The following ZNF449 variants were observed in gnomAD, a reference collection of about 807,000 sequenced individuals.
The protein encoded by ZNF449 is zinc finger and SCAN domain-containing protein 19.
ZNF449 carries 4 observed loss-of-function variants against 32.6 expected under a neutral mutation model. The ratio of observed to expected loss-of-function variants is 0.12; its 90% CI spans 0.06 to 0.28. The LOEUF (loss-of-function observed/expected upper bound fraction) is 0.28, where lower values mean the gene tolerates loss of function less well. Ranked by LOEUF, ZNF449 falls within the 10% of genes least tolerant of loss-of-function variation. The pLI, the probability that ZNF449 is intolerant of heterozygous loss-of-function variation, is 1.00. For missense variants in ZNF449, 275 were observed against 383.2 expected (o/e 0.72, Z 2.36); for synonymous variants, 123 against 132.2 (o/e 0.93, Z 0.48).
Position 135,360,965 on chromosome X carries a change from A to G in ZNF449, c.1446A>G (p.Leu482=), listed in dbSNP as rs2084943690. The G allele has an allele frequency of 3.3e-6, 4 of 1,209,703 alleles. No individual in the cohort carries two copies. Among genetic ancestry groups the G allele is most frequent in the Non-Finnish European group, 4.5e-6 (4 of 894,970 alleles). The change falls in exon 5 of 5, where the codon TTA becomes TTG. Residue 482 remains leucine, a synonymous_variant. Transcript: ENST00000339249. ...FRQRPSLVIH[L]RIHTGEKPYK... ...AGAGACCAAGCCTCGTTATTCATTT[A>G]AGAATCCACACAGGGGAGAAGCCAT...
At chrX:135,349,615 A>G (rs2084872451) in intron 3 of ZNF449, among the ~76,000 whole-genome samples, 1 of 111,935 alleles carries the variant, frequency 8.9e-6, no homozygotes, top group African/African-American at 3.3e-5. Flanking sequence ...ATTTTAATCA[A>G]CAGGAACTGT....
chrX:135,347,200 G>A lies in ZNF449; in HGVS notation c.82G>A (p.Val28Ile), dbSNP rs782230558. 4 of 1,212,340 alleles carry A rather than the reference G, an allele frequency of 3.3e-6. No individual in the cohort carries two copies. The South Asian group carries it at 7.0e-5, about 21-fold the overall frequency. ...VFQEYDTDCE[V>I]FRQRFRQFQY... is the part of the protein sequence containing the mutation. ...TCAAGAATATGATACTGACTGTGAA[G>A]TTTTCCGTCAGCGCTTCAGGCAGTT... The change falls in exon 2 of 5, where the codon GTT (valine) becomes ATT (isoleucine). Residue 28 changes from valine (V) to isoleucine (I), a missense_variant. This residue lies in a region of ZNF449 where 30 missense variants were observed against 61.6 expected (regional missense o/e 0.49). Transcript: ENST00000339249.
At position 135,357,073 on chromosome X, in the gene ZNF449, G is replaced by A. The variant is rs148943114; in HGVS notation, c.560-2819G>A. 9.0e-5 allele frequency among the ~76,000 whole-genome samples: 10 copies of A among 111,573 alleles called. No individual in the cohort carries two copies. In the East Asian group the frequency reaches 1.7e-3, roughly 19 times the overall value. ...ATATGATTTGCCGGTATTTTCTCCC[G>A]TTCTGTAGGCCATCTTTTCACTTTC... On this transcript the variant is annotated intron_variant, in intron 3 of 4. Coordinates refer to ENST00000339249, the MANE Select transcript of ZNF449 (RefSeq NM_152695.6).
chrX:135,345,547 C>T (rs1198902044), intron 1 of ZNF449, among the ~76,000 whole-genome samples: 2 of 112,265 alleles, frequency 1.8e-5, no homozygotes, highest in African/African-American at 3.2e-5. Context: ...TTCCTCTGTG[C>T]CGGGCATGCT....
intron 3 of ZNF449, among the ~76,000 whole-genome samples, chrX:135,355,199 T>A (rs969740980): frequency 1.8e-5 from 2 of 109,707 alleles, no homozygotes; most frequent in East Asian, 2.9e-4. Flanking sequence ...ATTTTTTTTT[T>A]AATTTTTGTG....
In ZNF449 at chrX:135,347,383, T is replaced by C; in HGVS notation, c.265T>C (p.Trp89Arg). Reference protein sequence around the residue: ...LTILPTEIETWVREHCPENRE... With the variant: ...LTILPTEIETRVREHCPENRE... ...TATCCTGCCCACAGAGATAGAGACC[T>C]GGGTGAGGGAGCACTGCCCAGAGAA... Residue 89 changes from tryptophan to arginine, a missense_variant, in exon 2 of 5, where the codon TGG becomes CGG. By Grantham distance (101) the Trp-to-Arg change is moderately radical. This residue lies in a region of ZNF449 where 165 missense variants were observed against 175.0 expected (regional missense o/e 0.94). Coordinates refer to ENST00000339249, the MANE Select transcript of ZNF449 (RefSeq NM_152695.6). 1 of 1,211,481 alleles carries C rather than the reference T, an allele frequency of 8.3e-7. No individual in the cohort carries two copies. Among genetic ancestry groups the C allele is most frequent in the Non-Finnish European group, 1.1e-6 (1 of 895,337 alleles).
chrX:135,350,539 A>G (rs2084879895), intron 3 of ZNF449, among the ~76,000 whole-genome samples: 1 of 112,183 alleles, frequency 8.9e-6, no homozygotes, highest in African/African-American at 3.2e-5. Context: ...ATTAGGAACC[A>G]TGCCCCTTTC....
intron 3 of ZNF449, among the ~76,000 whole-genome samples, chrX:135,357,967 T>C (rs2084926557): frequency 8.9e-6 from 1 of 111,945 alleles, no homozygotes; most frequent in South Asian, 3.6e-4. Flanking sequence ...TTACATTTAA[T>C]TTCATTTGTG....
intron 3 of ZNF449, among the ~76,000 whole-genome samples, chrX:135,358,463 A>G (rs887772618): frequency 9.0e-6 from 1 of 111,525 alleles, no homozygotes; most frequent in Admixed American, 9.5e-5. Flanking sequence ...TGAATTACCA[A>G]CTGGAGTCAT....
At chrX:135,358,753 A>C (rs1556452636) in intron 3 of ZNF449, among the ~76,000 whole-genome samples, 1 of 111,554 alleles carries the variant, frequency 9.0e-6, no homozygotes, top group African/African-American at 3.2e-5. Context: ...CTCCTATTCC[A>C]AGTTTCAATT....
Position 135,360,243 on chromosome X carries a change from A to C in ZNF449, c.724A>C (p.Met242Leu). The change falls in exon 5 of 5, where the codon ATG (methionine) becomes CTG (leucine). Residue 242 changes from methionine to leucine, a missense_variant. Physicochemically the swap from Met to Leu is conservative, Grantham distance 15. Around this residue, in one of 3 missense-constraint regions of ZNF449, gnomAD observed 165 missense variants for 175.0 expected, o/e 0.94. Transcript: ENST00000339249. Reference protein sequence around the residue: ...NEEDTSKQKKMETMYPFIVTL... With the variant: ...NEEDTSKQKKLETMYPFIVTL... Reference sequence around the variant, plus strand: ...AGAAGATACTTCAAAACAGAAAAAAATGGAGACTATGTATCCATTTATTGT... The same window carrying C: ...AGAAGATACTTCAAAACAGAAAAAACTGGAGACTATGTATCCATTTATTGT... 1 of 1,193,136 alleles carries C rather than the reference A, an allele frequency of 8.4e-7. No homozygotes were observed. The highest frequency in any genetic ancestry group is 2.5e-5 in the Admixed American group (1 of 40,746).
chrX:135,350,872 A>C (rs1353599644), intron 3 of ZNF449, among the ~76,000 whole-genome samples: 1 of 111,664 alleles, frequency 9.0e-6, no homozygotes. Context: ...AGGATGGATC[A>C]AAGTGAGCCT....
At chrX:135,354,084 T>C (rs1556451113) in intron 3 of ZNF449, among the ~76,000 whole-genome samples, 1 of 112,229 alleles carries the variant, frequency 8.9e-6, no homozygotes, top group Non-Finnish European at 1.9e-5. Context: ...ATGCGGGTAT[T>C]GATATGATAA....
intron 3 of ZNF449, among the ~76,000 whole-genome samples, chrX:135,356,291 A>G (rs1244903352): frequency 8.9e-6 from 1 of 111,734 alleles, no homozygotes; most frequent in African/African-American, 3.3e-5. Flanking sequence ...CCAGCAGTGT[A>G]CAAGCACTCT....
intron 3 of ZNF449, among the ~76,000 whole-genome samples, chrX:135,358,019 T>C (rs1285445188): frequency 1.8e-5 from 2 of 111,978 alleles, no homozygotes; most frequent in Non-Finnish European, 3.8e-5. Flanking sequence ...TTCTGTTTTC[T>C]ATATGCCTCA....
At chrX:135,346,753 G>A (rs1257146146) in intron 1 of ZNF449, among the ~76,000 whole-genome samples, 1 of 109,608 alleles carries the variant, frequency 9.1e-6, no homozygotes, top group Non-Finnish European at 1.9e-5. Context: ...CTACCATATT[G>A]GACAGCAAGC....
intron 1 of ZNF449, among the ~76,000 whole-genome samples, chrX:135,345,819 T>C (rs1221633195): frequency 9.0e-6 from 1 of 110,975 alleles, no homozygotes; most frequent in African/African-American, 3.3e-5. Context: ...AGAGGACAAC[T>C]ACAGCAGCTG....
intron 3 of ZNF449, among the ~76,000 whole-genome samples, chrX:135,359,491 CTTTACTACT>C (rs2148506556): frequency 8.9e-6 from 1 of 111,748 alleles, no homozygotes; most frequent in East Asian, 2.8e-4. Flanking sequence ...CCAGTAAACA[CTTTACTACT>C]TTCACCTCTC....
Position 135,359,935 on chromosome X carries a change from T to C in ZNF449, c.603T>C (p.Asn201=). ...TTGACATGAACTTCTCATTGGAGAA[T>C]AGAGAAGAGCCATGGGTGAAGGAAT... is the stretch of plus-strand genomic sequence containing the variant. ...PKLDMNFSLE[N]REEPWVKELQ... is the part of the protein sequence containing the mutation. The change falls in exon 4 of 5, where the codon AAT becomes AAC. Residue 201 remains asparagine, a synonymous_variant. Coordinates refer to ENST00000339249, the MANE Select transcript of ZNF449 (RefSeq NM_152695.6). The C allele has an allele frequency of 1.7e-6, 2 of 1,200,789 alleles. No homozygotes were observed. The highest frequency in any genetic ancestry group is 3.0e-5 in the East Asian group (1 of 33,596).
Sources: gnomAD v4.1 joint callset for allele counts (sites outside exome capture counted in the v4.1 genomes callset) on GRCh38, gnomAD v4.1.1 for gene constraint, gnomAD v4.1.1 regional missense constraint, MANE v1.5 for transcripts, NCBI Gene and HGNC (gene_info 2026-07-23, HGNC 2026-07-21) for gene names.